The following MMRN1 variants were observed in gnomAD, a reference collection of about 807,000 sequenced individuals.
MMRN1 encodes multimerin 1.
Under a neutral mutation model 100.7 loss-of-function variants are expected in MMRN1, and 94 were observed. The observed-to-expected ratio is 0.93, with a 90% CI of 0.79 to 1.11. MMRN1 has a LOEUF of 1.11. Ranked by LOEUF, MMRN1 falls within the 50% of genes least tolerant of loss-of-function variation. The pLI is 0.00. For missense variants in MMRN1, 1,606 were observed against 1,439.1 expected, an observed-to-expected ratio of 1.12 and a Z score of -1.88; for synonymous variants, 575 against 505.0, an observed-to-expected ratio of 1.14 and a Z score of -1.86.
rs780891856 is a variant in MMRN1 at position 89,936,590 on chromosome 4, A to C, written c.2910A>C (p.Ile970=). Reference sequence around the variant, plus strand: ...GTCTAACAGAATTTGTGGAACCAATAATTCAAATAAAAACTCAAGCTGCCC... The same window carrying C: ...GTCTAACAGAATTTGTGGAACCAATCATTCAAATAAAAACTCAAGCTGCCC... ...QKGLTEFVEP[I]IQIKTQAALS... is the part of the protein sequence containing the mutation. The change falls in exon 6 of 8, where the codon ATA becomes ATC. Residue 970 remains isoleucine (I), a synonymous_variant. Transcript: ENST00000264790. The C allele has an allele frequency of 6.2e-7, 1 of 1,611,846 alleles. No individual in the cohort carries two copies. Among genetic ancestry groups the C allele is most frequent in the Admixed American group, 1.7e-5 (1 of 59,626 alleles).
At chr4:89,940,786 G>A (rs1350217022) in intron 6 of MMRN1, among the ~76,000 whole-genome samples, 1 of 152,058 alleles carries the variant, frequency 6.6e-6, no homozygotes, top group African/African-American at 2.4e-5. Flanking sequence ...TATATTCAAT[G>A]TATATGCTTT....
intron 1 of MMRN1, among the ~76,000 whole-genome samples, chr4:89,903,582 C>T (rs904505802): frequency 2.0e-5 from 3 of 151,690 alleles, no homozygotes; most frequent in Admixed American, 6.6e-5. Context: ...AAAAAAATCC[C>T]GCTTAACTCT....
intron 3 of MMRN1, among the ~76,000 whole-genome samples, chr4:89,912,540 C>A (rs926874925): frequency 6.7e-6 from 1 of 149,968 alleles, no homozygotes; most frequent in Non-Finnish European, 1.5e-5. Context: ...TCTAATGGAG[C>A]TATTTTTTTT....
At chr4:89,943,329 A>G (rs898988176) in intron 6 of MMRN1, among the ~76,000 whole-genome samples, 1 of 152,212 alleles carries the variant, frequency 6.6e-6, no homozygotes, top group South Asian at 2.1e-4. Context: ...CTGCTTGTAC[A>G]CAATCATGTG....
upstream of MMRN1, among the ~76,000 whole-genome samples, chr4:89,891,482 T>G (rs892636046): frequency 3.9e-5 from 6 of 152,128 alleles, no homozygotes; most frequent in African/African-American, 1.4e-4. Flanking sequence ...TTAACTTCTT[T>G]AAGTTTAACT....
chr4:89,951,784 C>T (rs1723189124), intron 7 of MMRN1, 33 bp downstream of exon 7: 3 of 1,599,624 alleles, frequency 1.9e-6, no homozygotes, highest in African/African-American at 2.7e-5. Flanking sequence ...TTTGGATTTG[C>T]TCATTGTCAT....
chr4:89,886,196 C>T (rs1345530296), intron 1 of MMRN1, among the ~76,000 whole-genome samples: 1 of 151,652 alleles, frequency 6.6e-6, no homozygotes, highest in African/African-American at 2.4e-5. Flanking sequence ...TGGCCCCTTT[C>T]TTCTATTGTA....
intron 6 of MMRN1, among the ~76,000 whole-genome samples, chr4:89,937,932 G>A (rs1253744210): frequency 6.6e-6 from 1 of 151,970 alleles, no homozygotes; most frequent in Admixed American, 6.6e-5. Context: ...TTATGAATAT[G>A]GTTGTCATAT....
At position 89,936,305 on chromosome 4, in the gene MMRN1, T is replaced by G. The variant is rs765740968; in HGVS notation, c.2625T>G (p.Pro875=). Residue 875 remains proline (P), a synonymous_variant, in exon 6 of 8, where the codon CCT becomes CCG. Coordinates refer to ENST00000264790, the MANE Select transcript of MMRN1 (RefSeq NM_007351.3). Reference sequence around the variant, plus strand: ...CTAAAGTTACCCAGACGCTCATACCTTATTATATTTCAGTTAAAAAAGGCA... The same window carrying G: ...CTAAAGTTACCCAGACGCTCATACCGTATTATATTTCAGTTAAAAAAGGCA... The part of the protein sequence containing the change: ...IESKVTQTLI[P]YYISVKKGSV... 6.2e-7 allele frequency: 1 copy of G among 1,612,586 alleles called. No homozygotes were observed. Among genetic ancestry groups the G allele is most frequent in the Non-Finnish European group, 8.5e-7 (1 of 1,179,464 alleles).
chr4:89,912,074 C>T, intron 3 of MMRN1, 24 bp downstream of exon 3: 1 of 1,420,080 alleles, frequency 7.0e-7, no homozygotes, highest in Non-Finnish European at 9.7e-7. Flanking sequence ...TTAATAATCA[C>T]AATTCTGAAC....
chr4:89,928,040 A>G (rs1560591327), intron 5 of MMRN1, 72 bp downstream of exon 5: 2 of 1,266,730 alleles, frequency 1.6e-6, no homozygotes, highest in Admixed American at 2.8e-5. Context: ...CTTTTCTTAC[A>G]TCACTTTGGG....
intron 6 of MMRN1, among the ~76,000 whole-genome samples, chr4:89,950,512 G>A (rs80321122): frequency 1.7e-3 from 261 of 152,038 alleles, no homozygotes; most frequent in Non-Finnish European, 3.0e-3. Context: ...TATTTTCTAC[G>A]TATCTTTTTA....
chr4:89,949,787 C>T (rs1723103596), intron 6 of MMRN1, among the ~76,000 whole-genome samples: 1 of 152,142 alleles, frequency 6.6e-6, no homozygotes, highest in African/African-American at 2.4e-5. Flanking sequence ...TTTAATAATA[C>T]AGGCATGCCG....
intron 1 of MMRN1, among the ~76,000 whole-genome samples, chr4:89,883,152 T>G (rs1352321026): frequency 6.6e-6 from 1 of 152,132 alleles, no homozygotes; most frequent in Non-Finnish European, 1.5e-5. Context: ...TTCCATTCCT[T>G]GTTTATATCT....
intron 4 of MMRN1, 100 bp downstream of exon 4, chr4:89,923,372 G>A: frequency 9.6e-7 from 1 of 1,044,990 alleles, no homozygotes. Flanking sequence ...AATGATTGAT[G>A]GTGACACATT....
Position 89,897,089 on chromosome 4 carries a change from G to A in MMRN1, c.623+1495G>A, listed in dbSNP as rs568490507. Among the ~76,000 whole-genome samples, 5 of 152,228 alleles carry A rather than the reference G, an allele frequency of 3.3e-5. No homozygotes were observed. The South Asian group carries it at 8.3e-4, about 25-fold the overall frequency. On this transcript the variant is annotated intron_variant, in intron 1 of 7. Coordinates refer to ENST00000264790, the MANE Select transcript of MMRN1 (RefSeq NM_007351.3). ...ACAGCTTTTTCTAAATCACTTGAAT[G>A]CATCATTTCTGTTAATCATATTTTA...
Position 89,912,533 on chromosome 4 carries a change from A to G in MMRN1, c.850+483A>G, listed in dbSNP as rs192844663. ...ATAATTCTCTCTTTTTCAAAATTCT[A>G]ATGGAGCTATTTTTTTTTTTTCAGC... On this transcript the variant is annotated intron_variant, in intron 3 of 7. Coordinates refer to ENST00000264790, the MANE Select transcript of MMRN1 (RefSeq NM_007351.3). Among the ~76,000 whole-genome samples, 176 of 151,088 alleles carry G rather than the reference A, an allele frequency of 1.2e-3. 1 individual carries two copies. The highest frequency in any genetic ancestry group is 4.3e-3 in the East Asian group (22 of 5,134).
At position 89,927,827 on chromosome 4, in the gene MMRN1, TA is replaced by T. The variant is rs775620673; in HGVS notation, c.989del (p.Tyr330SerfsTer4). ...GCAAAAAATGACTGATCAGGTGAAC[TA>T]CCAGGCAATGAAACTGACTCTTCTG... Reference protein sequence around the residue: ...VMQKMTDQVNYQAMKLTLLQK... With the variant: ...VMQKMTDQVNXQAMKLTLLQK... On this transcript the variant is annotated frameshift_variant, in exon 5 of 8. Coordinates refer to ENST00000264790, the MANE Select transcript of MMRN1 (RefSeq NM_007351.3). LOFTEE classifies it high-confidence loss of function. 2 of 1,612,196 alleles carry T rather than the reference TA, an allele frequency of 1.2e-6. No individual in the cohort carries two copies. Among genetic ancestry groups the T allele is most frequent in the Non-Finnish European group, 1.7e-6 (2 of 1,179,204 alleles).
At chr4:89,920,950 T>A (rs1001400706) in intron 3 of MMRN1, among the ~76,000 whole-genome samples, 1 of 152,024 alleles carries the variant, frequency 6.6e-6, no homozygotes, top group Admixed American at 6.6e-5. Context: ...CTCATTTCCA[T>A]CTACGAGGAA....
Sources: allele counts gnomAD v4.1 joint callset (sites outside exome capture counted in the v4.1 genomes callset), GRCh38; gene constraint gnomAD v4.1.1; transcripts MANE v1.5; gene names NCBI Gene and HGNC (gene_info 2026-07-23, HGNC 2026-07-21).